The following MYLK3 variants were observed in gnomAD, a reference collection of about 807,000 sequenced individuals.
MYLK3 encodes the protein MLC kinase.
A neutral mutation model predicts 76.3 loss-of-function variants in MYLK3; 55 were observed. That is an observed-to-expected ratio of 0.72 (90% CI 0.58 to 0.90). The LOEUF is 0.90. MYLK3 is among the 40% of genes least tolerant of loss of function. MYLK3 has a pLI of 0.00. For synonymous variants in MYLK3, 416 were observed against 425.4 expected, an observed-to-expected ratio of 0.98 and a Z score of 0.27; for missense variants, 973 against 1,053.6, an observed-to-expected ratio of 0.92 and a Z score of 1.06.
chr16:46,731,109 T>C (rs1043847446), intron 4 of MYLK3, among the ~76,000 whole-genome samples: 2 of 152,216 alleles, frequency 1.3e-5, no homozygotes, highest in Non-Finnish European at 2.9e-5. Flanking sequence ...GAGGGTGTTA[T>C]GAGAGGGAGG....
rs767971027 is a variant in MYLK3, at chr16:46,737,743, C to T, written c.969G>A (p.Arg323=). The T allele has an allele frequency of 6.2e-7, 1 of 1,608,846 alleles. No homozygotes were observed. The highest frequency in any genetic ancestry group is 1.1e-5 in the South Asian group (1 of 90,912). The part of the protein sequence containing the change: ...PGPPGLPAQA[R]ATHSGGETPP... ...GTGTTTCTCCACCACTGTGGGTTGC[C>T]CTGGCCTGGGCTGGCAGCCCTGGAG... Residue 323 remains arginine (R), a synonymous_variant, in exon 3 of 13, where the codon AGG becomes AGA. Coordinates refer to ENST00000394809, the MANE Select transcript of MYLK3 (RefSeq NM_182493.3).
intron 8 of MYLK3, among the ~76,000 whole-genome samples, chr16:46,724,444 T>C (rs902796780): frequency 1.3e-5 from 2 of 152,242 alleles, no homozygotes; most frequent in African/African-American, 4.8e-5. Context: ...CATTTACGTC[T>C]ACAATCCATT....
upstream of MYLK3, among the ~76,000 whole-genome samples, chr16:46,750,827 T>TA (rs575635558): frequency 3.6e-3 from 547 of 150,914 alleles, 2 homozygotes; most frequent in Non-Finnish European, 6.9e-3. Flanking sequence ...CCATCTCTAC[T>TA]AAAAAAACAC....
intron 11 of MYLK3, 63 bp downstream of exon 11, chr16:46,710,574 C>A: frequency 6.3e-7 from 1 of 1,592,066 alleles, no homozygotes; most frequent in Admixed American, 1.7e-5. Context: ...AGCAGTCCTG[C>A]CCAGCTCCCA....
At chr16:46,758,722 A>G (rs1967238351) in intron 1 of MYLK3, among the ~76,000 whole-genome samples, 1 of 152,302 alleles carries the variant, frequency 6.6e-6, no homozygotes, top group Non-Finnish European at 1.5e-5. Flanking sequence ...TCTGAAGGTC[A>G]CACAGCACGT....
At chr16:46,714,208 T>C (rs1422725793) in intron 9 of MYLK3, among the ~76,000 whole-genome samples, 2 of 152,198 alleles carry the variant, frequency 1.3e-5, no homozygotes, top group Non-Finnish European at 1.5e-5. Context: ...TTTATACATG[T>C]ATAGCATCTC....
At chr16:46,722,233 G>A (rs547526884) in intron 8 of MYLK3, among the ~76,000 whole-genome samples, 1 of 152,226 alleles carries the variant, frequency 6.6e-6, no homozygotes, top group East Asian at 1.9e-4. Flanking sequence ...GCAGACCCAG[G>A]GTCCAGTGCC....
chr16:46,730,358 G>A (rs569440478), intron 5 of MYLK3, among the ~76,000 whole-genome samples: 4 of 152,224 alleles, frequency 2.6e-5, no homozygotes, highest in South Asian at 2.1e-4. Flanking sequence ...CCGCCCTCCT[G>A]AGCCTCCCCT....
Position 46,737,987 on chromosome 16 carries a change from A to C in MYLK3, c.725T>G (p.Leu242Arg). 1.9e-6 allele frequency: 3 copies of C among 1,613,942 alleles called. No individual in the cohort carries two copies. The South Asian group carries it at 3.3e-5, about 18-fold the overall frequency. The stretch of plus-strand genomic sequence containing the variant: ...AGCCTTGGCTTCCACCTTTGTGGGC[A>C]GGGGCAGGTGGCCAGGGAATGCCTG... ...PAQAFPGHLPLPTKVEAKAPE... is the reference protein window; with the variant it reads ...PAQAFPGHLPRPTKVEAKAPE... Residue 242 changes from leucine to arginine, a missense_variant, in exon 3 of 13, where the codon CTG becomes CGG. This residue lies in a region of MYLK3 where 641 missense variants were observed against 637.0 expected (regional missense o/e 1.01). Transcript: ENST00000394809.
At chr16:46,725,202 T>C (rs918194370) in intron 8 of MYLK3, among the ~76,000 whole-genome samples, 2 of 152,152 alleles carry the variant, frequency 1.3e-5, no homozygotes, top group African/African-American at 4.8e-5. Context: ...TCTTTAAGAG[T>C]TTTTATATAC....
At chr16:46,713,224 G>A (rs2143012795) in intron 9 of MYLK3, among the ~76,000 whole-genome samples, 1 of 149,438 alleles carries the variant, frequency 6.7e-6, no homozygotes, top group African/African-American at 2.5e-5. Flanking sequence ...TTGAAACAGG[G>A]TCTCACTCTG....
chr16:46,744,757 C>T lies in MYLK3; in HGVS notation c.477+2960G>A, dbSNP rs796880380. Among the ~76,000 whole-genome samples, 5 of 151,974 alleles carry T rather than the reference C, an allele frequency of 3.3e-5. No individual in the cohort carries two copies. The South Asian group carries it at 6.2e-4, about 19-fold the overall frequency. On this transcript the variant is annotated intron_variant, in intron 1 of 12. Coordinates refer to ENST00000394809, the MANE Select transcript of MYLK3 (RefSeq NM_182493.3). ...GCTCGTGCCTATAATCCCAACACTT[C>T]GGGAGGCTGAGGCAGGAGGATTGCT...
At chr16:46,723,898 C>G (rs1368472363) in intron 8 of MYLK3, among the ~76,000 whole-genome samples, 1 of 152,236 alleles carries the variant, frequency 6.6e-6, no homozygotes, top group Non-Finnish European at 1.5e-5. Context: ...ATCCGCCTGC[C>G]TCGGCCTCCC....
At chr16:46,723,105 AAC>A (rs1966815792) in intron 8 of MYLK3, among the ~76,000 whole-genome samples, 1 of 152,102 alleles carries the variant, frequency 6.6e-6, no homozygotes, top group Admixed American at 6.5e-5. Context: ...TCAAAAAAAA[AAC>A]AAAACCATAC....
intron 8 of MYLK3, 89 bp from the exon 9 acceptor site, chr16:46,721,282 C>A (rs1966796981): frequency 1.6e-6 from 2 of 1,252,458 alleles, no homozygotes; most frequent in South Asian, 2.4e-5. Flanking sequence ...GTTTTCCAGC[C>A]TTCAAGGGAC....
intron 10 of MYLK3, 143 bp from the exon 11 acceptor site, chr16:46,710,932 A>G: frequency 3.4e-6 from 3 of 893,130 alleles, no homozygotes; most frequent in Non-Finnish European, 5.3e-6. Context: ...CTACTTCTCC[A>G]CAGGATGGAG....
chr16:46,723,253 C>T (rs769341645), intron 8 of MYLK3, among the ~76,000 whole-genome samples: 2 of 152,112 alleles, frequency 1.3e-5, no homozygotes, highest in Non-Finnish European at 2.9e-5. Context: ...CCTTTCATGT[C>T]TGATTTCTTT....
At chr16:46,719,326 CAA>C (rs1187916313) in intron 9 of MYLK3, among the ~76,000 whole-genome samples, 27 of 82,924 alleles carry the variant, frequency 3.3e-4, no homozygotes, top group African/African-American at 1.8e-4. Context: ...GACTCGGTCT[CAA>C]AAAAAAAAAA....
In MYLK3 at chr16:46,712,693, G is replaced by T; in HGVS notation, c.2069C>A (p.Ser690Ter). Residue 690 changes from serine (S) to a stop codon, truncating the protein, a stop_gained, in exon 10 of 13, where the codon TCA becomes TAA. Coordinates refer to ENST00000394809, the MANE Select transcript of MYLK3 (RefSeq NM_182493.3). LOFTEE classifies it high-confidence loss of function. ...APEVVNYEFV[S>*]FPTDMWSVGV... ...CACACTCCACATGTCTGTGGGGAATGAGACAAACTCATAATTGACGACTTC... is the reference window on the plus strand; with the variant it reads ...CACACTCCACATGTCTGTGGGGAATTAGACAAACTCATAATTGACGACTTC... 2 of 1,596,392 alleles carry T rather than the reference G, an allele frequency of 1.3e-6. No homozygotes were observed. The highest frequency in any genetic ancestry group is 8.5e-7 in the Non-Finnish European group (1 of 1,171,176).
Sources: gnomAD v4.1 joint callset for allele counts (sites outside exome capture counted in the v4.1 genomes callset) on GRCh38, gnomAD v4.1.1 for gene constraint, gnomAD v4.1.1 regional missense constraint, MANE v1.5 for transcripts, NCBI Gene and HGNC (gene_info 2026-07-23, HGNC 2026-07-21) for gene names.